The following TUSC3 variants were observed in gnomAD, a reference collection of about 807,000 sequenced individuals.
The protein encoded by TUSC3 is tumor suppressor candidate 3, also known as dolichyl-diphosphooligosaccharide--protein glycosyltransferase subunit TUSC3.
A neutral mutation model predicts 44.8 loss-of-function variants in TUSC3; 45 were observed. That is an observed-to-expected ratio of 1.00 (90% CI 0.79 to 1.29). The LOEUF (loss-of-function observed/expected upper bound fraction) is 1.29, where lower values mean the gene tolerates loss of function less well. Among genes scored for constraint, TUSC3 ranks in the 50% most tolerant of loss-of-function variants. TUSC3 has a pLI of 0.00. For synonymous variants in TUSC3, 212 were observed against 152.9 expected (o/e 1.39, Z -2.85); for missense variants, 519 against 437.9 (o/e 1.19, Z -1.65).
chr8:15,743,001 C>T (rs1054037439), intron 7 of TUSC3, among the ~76,000 whole-genome samples: 4 of 152,160 alleles, frequency 2.6e-5, no homozygotes, highest in African/African-American at 9.7e-5. Flanking sequence ...CTGCTAGATT[C>T]ATTAAATTGT....
chr8:15,509,844 G>A (rs535679708), intron 2 of TUSC3, among the ~76,000 whole-genome samples: 1 of 152,262 alleles, frequency 6.6e-6, no homozygotes, highest in South Asian at 2.1e-4. Context: ...TTGCATATTA[G>A]TTGACCAAAA....
intron 1 of TUSC3, among the ~76,000 whole-genome samples, chr8:15,601,554 C>G (rs1804288346): frequency 6.6e-6 from 1 of 151,686 alleles, no homozygotes. Context: ...GGCCACACAG[C>G]TGATCAGGGG....
chr8:15,473,972 G>A (rs990264725), intron 1 of TUSC3, among the ~76,000 whole-genome samples: 11 of 152,078 alleles, frequency 7.2e-5, no homozygotes, highest in South Asian at 2.1e-4. Flanking sequence ...AGACCAGGGC[G>A]TATTTTGGTC....
At chr8:15,736,082 AG>A (rs1810926349) in intron 7 of TUSC3, among the ~76,000 whole-genome samples, 1 of 152,102 alleles carries the variant, frequency 6.6e-6, no homozygotes, top group African/African-American at 2.4e-5. Context: ...ATCCTCTAGC[AG>A]TATAAAAACA....
the TUSC3 span, among the ~76,000 whole-genome samples, chr8:15,799,353 A>G: frequency 6.6e-6 from 1 of 152,110 alleles, no homozygotes; most frequent in East Asian, 1.9e-4. Context: ...ACATTCAGCT[A>G]TAAAACTGTT....
chr8:15,469,956 A>T (rs920224871), intron 1 of TUSC3, among the ~76,000 whole-genome samples: 2 of 152,164 alleles, frequency 1.3e-5, no homozygotes, highest in Non-Finnish European at 2.9e-5. Context: ...TTATGAAGAC[A>T]GTAAAGAGAT....
chr8:15,454,599 A>G (rs1800233599), intron 1 of TUSC3, among the ~76,000 whole-genome samples: 1 of 152,204 alleles, frequency 6.6e-6, no homozygotes, highest in Admixed American at 6.5e-5. Flanking sequence ...TTCTCTGGCT[A>G]GCTGCTGCTC....
chr8:15,548,679 T>A (rs1801955830), intron 1 of TUSC3, among the ~76,000 whole-genome samples: 1 of 151,888 alleles, frequency 6.6e-6, no homozygotes, highest in Non-Finnish European at 1.5e-5. Context: ...TCAAATTGGA[T>A]TTCTGATATT....
chr8:15,529,419 A>G (rs1801422366), intron 2 of TUSC3, among the ~76,000 whole-genome samples: 1 of 152,222 alleles, frequency 6.6e-6, no homozygotes, highest in Admixed American at 6.5e-5. Flanking sequence ...CAATATTATT[A>G]CAATACTTTA....
intron 7 of TUSC3, among the ~76,000 whole-genome samples, chr8:15,738,823 C>CTTTCTTTTTTTTTTCT: frequency 1.0e-5 from 1 of 95,698 alleles, no homozygotes; most frequent in East Asian, 3.7e-4. Flanking sequence ...ATTAATATAT[C>CTTTCTTTTTTTTTTCT]TTGCTTTTTT....
the TUSC3 span, among the ~76,000 whole-genome samples, chr8:15,775,052 G>A: frequency 2.1e-4 from 32 of 152,078 alleles, no homozygotes; most frequent in Non-Finnish European, 3.7e-4. Flanking sequence ...TGCCAACAGG[G>A]AAGACAACCC....
intron 9 of TUSC3, among the ~76,000 whole-genome samples, chr8:15,753,226 A>AAAAAATCCCTCTAATTATATCTTCC (rs1811781134): frequency 1.3e-5 from 2 of 152,010 alleles, no homozygotes. Flanking sequence ...TGTCCAATTT[A>AAAAAATCCCTCTAATTATATCTTCC]AAAAATCCCT....
At chr8:15,659,461 T>C in intron 3 of TUSC3, 46 bp from the exon 4 acceptor site, 2 of 1,595,718 alleles carry the variant, frequency 1.3e-6, no homozygotes, top group South Asian at 1.1e-5. Context: ...ATTGGATTAA[T>C]GATAAGATGA....
At position 15,494,067 on chromosome 8, in the gene TUSC3, C is replaced by G. The variant is rs114019087; in HGVS notation, n.189+10584C>G. 6.9e-3 allele frequency among the ~76,000 whole-genome samples: 1,046 copies of G among 152,264 alleles called. 12 individuals are homozygous for G. The highest frequency in any genetic ancestry group is 0.024 in the African/African-American group (1,016 of 41,538). Reference sequence around the variant, plus strand: ...CTTGAGATCTTTGTTCAAAAATAACCCCACCATACCAGCCTGCTGCTATAC... The same window carrying G: ...CTTGAGATCTTTGTTCAAAAATAACGCCACCATACCAGCCTGCTGCTATAC... On this transcript the variant is annotated intron_variant and non_coding_transcript_variant, in intron 2 of 5. Coordinates refer to the TUSC3 transcript ENST00000503191.
chr8:15,831,501 T>C, the TUSC3 span, among the ~76,000 whole-genome samples: 1 of 152,078 alleles, frequency 6.6e-6, no homozygotes, highest in South Asian at 2.1e-4. Flanking sequence ...GAAAAAAAGA[T>C]CGTTGAGATG....
At chr8:15,529,382 G>A (rs546280904) in intron 2 of TUSC3, among the ~76,000 whole-genome samples, 1 of 152,144 alleles carries the variant, frequency 6.6e-6, no homozygotes, top group South Asian at 2.1e-4. Flanking sequence ...TTTTTAATAT[G>A]GAAAATGGCA....
At chr8:15,693,441 C>CTTTT (rs35915071) in intron 6 of TUSC3, among the ~76,000 whole-genome samples, 68 of 96,874 alleles carry the variant, frequency 7.0e-4, no homozygotes, top group East Asian at 3.1e-3. Context: ...GTTGGAAGTT[C>CTTTT]TTTTTTTTTT....
chr8:15,732,458 G>C (rs1286874330), intron 7 of TUSC3, among the ~76,000 whole-genome samples: 2 of 152,100 alleles, frequency 1.3e-5, no homozygotes, highest in Non-Finnish European at 2.9e-5. Flanking sequence ...GGAACTGTGA[G>C]TCCGTTAAAC....
intron 6 of TUSC3, among the ~76,000 whole-genome samples, chr8:15,684,976 C>A (rs574667292): frequency 6.6e-6 from 1 of 152,154 alleles, no homozygotes. Context: ...CAGATGCACC[C>A]CAGTCCTGTG....
Sources: allele counts gnomAD v4.1 joint callset (sites outside exome capture counted in the v4.1 genomes callset), GRCh38; gene constraint gnomAD v4.1.1; transcripts MANE v1.5; gene names NCBI Gene and HGNC (gene_info 2026-07-23, HGNC 2026-07-21).